The following RAB35 variants were observed in gnomAD, a reference collection of about 807,000 sequenced individuals.
RAB35 encodes the protein RAB35, member RAS oncogene family, also known as ras-related protein Rab-35.
Under a neutral mutation model 28.9 loss-of-function variants are expected in RAB35, and 4 were observed. The ratio of observed to expected loss-of-function variants is 0.14; its 90% CI spans 0.07 to 0.32. RAB35 has a LOEUF of 0.32. Among genes scored for constraint, RAB35 ranks in the 10% least tolerant of loss-of-function variants. The pLI, the probability that RAB35 is intolerant of heterozygous loss-of-function variation, is 1.00. For synonymous variants in RAB35, 99 were observed against 105.1 expected (o/e 0.94, Z 0.35); for missense variants, 128 against 274.0 (o/e 0.47, Z 3.76).
At chr12:120,110,879 G>GC (rs1566287656) in intron 1 of RAB35, among the ~76,000 whole-genome samples, 1 of 152,228 alleles carries the variant, frequency 6.6e-6, no homozygotes, top group Non-Finnish European at 1.5e-5. Context: ...TTGCTCCGCC[G>GC]TGAGGCTTCC....
At position 120,116,698 on chromosome 12, in the gene RAB35, C is replaced by T; in HGVS notation, c.-48G>A. On this transcript the variant is annotated 5_prime_UTR_variant, in exon 1 of 6. Transcript: ENST00000229340. ...GGGCGGGCGGGGTCGGTACTGGCCT[C>T]GCGATCCGCAGCTCCCTTCGGGCTG... 3 of 1,220,488 alleles carry T rather than the reference C, an allele frequency of 2.5e-6. No homozygotes were observed. The highest frequency in any genetic ancestry group is 3.1e-6 in the Non-Finnish European group (3 of 980,442). 75.6% of individuals were successfully genotyped at this position (1,220,488 alleles called of 1,614,324 possible).
At chr12:120,099,226 C>T in intron 3 of RAB35, 72 bp from the exon 4 acceptor site, 1 of 1,586,974 alleles carries the variant, frequency 6.3e-7, no homozygotes, top group Non-Finnish European at 8.6e-7. Context: ...CCCACCTGCC[C>T]ACGTCAGGAC....
At chr12:120,098,168 G>A (rs1180318675) in intron 5 of RAB35, among the ~76,000 whole-genome samples, 1 of 152,234 alleles carries the variant, frequency 6.6e-6, no homozygotes, top group African/African-American at 2.4e-5. Flanking sequence ...ACAGGCGTGA[G>A]CCGGCGCGCC....
At chr12:120,099,697 G>A (rs767402858) in intron 3 of RAB35, among the ~76,000 whole-genome samples, 22 of 152,126 alleles carry the variant, frequency 1.4e-4, no homozygotes, top group Non-Finnish European at 2.4e-4. Context: ...GGAAAAGCAT[G>A]GAAGCCACAC....
At chr12:120,116,488 CG>C in intron 1 of RAB35, 110 bp downstream of exon 1, 4 of 699,778 alleles carry the variant, frequency 5.7e-6, no homozygotes, top group Non-Finnish European at 7.0e-6. Flanking sequence ...CGGGCTGCCC[CG>C]CCCGCCCGCC....
chr12:120,107,385 G>A (rs1875930919), intron 2 of RAB35, among the ~76,000 whole-genome samples: 1 of 152,166 alleles, frequency 6.6e-6, no homozygotes, highest in South Asian at 2.1e-4. Context: ...TATCAGCTCA[G>A]CAAGAATGAA....
intron 3 of RAB35, among the ~76,000 whole-genome samples, chr12:120,101,661 C>T (rs1022852118): frequency 7.9e-5 from 12 of 152,208 alleles, no homozygotes; most frequent in Non-Finnish European, 1.3e-4. Flanking sequence ...CCTCAGGGCG[C>T]CCTGCTGGGC....
intron 1 of RAB35, among the ~76,000 whole-genome samples, chr12:120,111,257 T>G (rs1460883131): frequency 6.6e-6 from 1 of 152,184 alleles, no homozygotes; most frequent in Non-Finnish European, 1.5e-5. Flanking sequence ...CAGAATCCTT[T>G]TCTTCATCCA....
At position 120,098,919 on chromosome 12, in the gene RAB35, G is replaced by A. The variant is rs766001649; in HGVS notation, c.369C>T (p.Asp123=). ...VCRILVGNKN[D]DPERKVVETE... is the part of the protein sequence containing the mutation. ...TCTCCACCACCTTCCGCTCAGGGTC[G>A]TCATTCTTATTACCCACTTCAAACG... is the stretch of plus-strand genomic sequence containing the variant. The change falls in exon 5 of 6, where the codon GAC becomes GAT. Residue 123 remains aspartate, a synonymous_variant. Transcript: ENST00000229340. 3.0e-5 allele frequency: 49 copies of A among 1,614,090 alleles called. 1 individual carries two copies. The highest frequency in any genetic ancestry group is 2.0e-4 in the South Asian group (18 of 91,092).
rs1197141280 is a variant in RAB35, at chr12:120,105,044, A to G, written c.104-1095T>C. 2.6e-5 allele frequency among the ~76,000 whole-genome samples: 4 copies of G among 152,184 alleles called. 1 individual carries two copies. Among genetic ancestry groups the G allele is most frequent in the East Asian group, 3.9e-4 (2 of 5,188 alleles). On this transcript the variant is annotated intron_variant, in intron 2 of 5. Coordinates refer to ENST00000229340, the MANE Select transcript of RAB35 (RefSeq NM_006861.7). Reference sequence around the variant, plus strand: ...TCTCACTCCATTTGGGGCTTATGCTATAACAGTGCAGGAGACACCACACAC... The same window carrying G: ...TCTCACTCCATTTGGGGCTTATGCTGTAACAGTGCAGGAGACACCACACAC...
intron 3 of RAB35, among the ~76,000 whole-genome samples, chr12:120,100,650 C>T (rs1875620885): frequency 6.6e-6 from 1 of 152,184 alleles, no homozygotes. Context: ...CCGCCCCTGC[C>T]CCATCCTTGC....
At chr12:120,104,116 G>A (rs973851985) in intron 2 of RAB35, among the ~76,000 whole-genome samples, 167 bp from the exon 3 acceptor site, 11 of 152,044 alleles carry the variant, frequency 7.2e-5, no homozygotes, top group African/African-American at 2.7e-4. Context: ...TTGTTCACAA[G>A]GCCCCTCCAC....
At chr12:120,105,181 G>T (rs1338035278) in intron 2 of RAB35, among the ~76,000 whole-genome samples, 1 of 152,186 alleles carries the variant, frequency 6.6e-6, no homozygotes, top group East Asian at 1.9e-4. Context: ...TAGCTTGAAA[G>T]AACAGGTAAG....
At chr12:120,100,406 G>A (rs963145150) in intron 3 of RAB35, among the ~76,000 whole-genome samples, 1 of 152,258 alleles carries the variant, frequency 6.6e-6, no homozygotes, top group Non-Finnish European at 1.5e-5. Context: ...CTTAACTGGG[G>A]TGGTCATGAG....
In RAB35 at chr12:120,096,193, G is replaced by T; in HGVS notation, c.*1052C>A. 2.8e-6 allele frequency: 1 copy of T among 356,560 alleles called. No individual in the cohort carries two copies. Among genetic ancestry groups the T allele is most frequent in the Non-Finnish European group, 5.4e-6 (1 of 184,832 alleles). 22.1% of individuals were successfully genotyped at this position (356,560 alleles called of 1,614,324 possible). ...GCAGTGTAGACTCCTGACCTCCAGTGGGAGGCAACTCGGACAAGGGTGGGA... is the reference window on the plus strand; with the variant it reads ...GCAGTGTAGACTCCTGACCTCCAGTTGGAGGCAACTCGGACAAGGGTGGGA... On this transcript the variant is annotated 3_prime_UTR_variant, in exon 6 of 6. Transcript: ENST00000229340.
chr12:120,099,001 C>T (rs1384775047), intron 4 of RAB35, 29 bp downstream of exon 4: 1 of 1,573,046 alleles, frequency 6.4e-7, no homozygotes, highest in Non-Finnish European at 8.7e-7. Flanking sequence ...TCCCACCCAA[C>T]CCCGACCCGG....
At chr12:120,102,350 C>A (rs1351451256) in intron 3 of RAB35, among the ~76,000 whole-genome samples, 2 of 152,202 alleles carry the variant, frequency 1.3e-5, no homozygotes, top group African/African-American at 2.4e-5. Context: ...GGCCTGCAGC[C>A]CCAGGCTGCC....
rs191353145 is a variant in RAB35, at chr12:120,107,233, C to T, written c.103+1184G>A. Among the ~76,000 whole-genome samples, 350 of 152,134 alleles carry T rather than the reference C, an allele frequency of 2.3e-3. 4 individuals carry two copies. The highest frequency in any genetic ancestry group is 7.6e-3 in the African/African-American group (316 of 41,488). ...CGAACTCCTGACCTCATGATCCACC[C>T]GCCTCGGCCTCCCAAAGTGCTGGGA... is the stretch of plus-strand genomic sequence containing the variant. On this transcript the variant is annotated intron_variant, in intron 2 of 5. Coordinates refer to ENST00000229340, the MANE Select transcript of RAB35 (RefSeq NM_006861.7).
At chr12:120,114,091 G>A (rs146412580) in intron 1 of RAB35, among the ~76,000 whole-genome samples, 36 of 152,260 alleles carry the variant, frequency 2.4e-4, no homozygotes, top group South Asian at 4.1e-4. Context: ...CCTCCTCTGA[G>A]CCTCAGTTTC....
Sources: allele counts gnomAD v4.1 joint callset (sites outside exome capture counted in the v4.1 genomes callset), GRCh38; gene constraint gnomAD v4.1.1; transcripts MANE v1.5; gene names NCBI Gene and HGNC (gene_info 2026-07-23, HGNC 2026-07-21).